TSPAN9: variants seen among roughly 807,000 people sequenced by gnomAD.
TSPAN9 encodes tetraspanin 9, also known as tetraspanin-9.
Under a neutral mutation model 31.0 loss-of-function variants are expected in TSPAN9, and 16 were observed. The observed-to-expected ratio is 0.52, with a 90% CI of 0.35 to 0.78. The LOEUF is 0.78. Among genes scored for constraint, TSPAN9 ranks in the 30% least tolerant of loss-of-function variants. The pLI, the probability that TSPAN9 is intolerant of heterozygous loss-of-function variation, is 0.01. For synonymous variants in TSPAN9, 145 were observed against 121.6 expected (o/e 1.19, Z -1.27); for missense variants, 272 against 312.5 (o/e 0.87, Z 0.98).
rs1177487549 is a variant in TSPAN9, at chr12:3,281,128, G to A, written c.433-70G>A. On this transcript the variant is annotated intron_variant, in intron 6 of 8. Coordinates refer to ENST00000011898, the MANE Select transcript of TSPAN9 (RefSeq NM_006675.5). Reference sequence around the variant, plus strand: ...GCGGGGACTGGGGTTGGCCTGGGCAGGGGAAGGCCCTGGGGAGGAAGGGGC... The same window carrying A: ...GCGGGGACTGGGGTTGGCCTGGGCAAGGGAAGGCCCTGGGGAGGAAGGGGC... 13 of 1,543,034 alleles carry A rather than the reference G, an allele frequency of 8.4e-6. No individual in the cohort carries two copies. The Admixed American group carries it at 2.2e-4, about 26-fold the overall frequency.
At chr12:3,094,485 T>C (rs1204953467) in intron 2 of TSPAN9, among the ~76,000 whole-genome samples, 1 of 152,008 alleles carries the variant, frequency 6.6e-6, no homozygotes, top group African/African-American at 2.4e-5. Flanking sequence ...TAAGGGAATA[T>C]CTGTTTTTTT....
At chr12:3,128,119 T>C (rs2098328175) in intron 2 of TSPAN9, among the ~76,000 whole-genome samples, 1 of 152,222 alleles carries the variant, frequency 6.6e-6, no homozygotes, top group Non-Finnish European at 1.5e-5. Flanking sequence ...AGCATTGTTA[T>C]GTGGTGCATG....
At chr12:3,094,456 G>A (rs932852919) in intron 2 of TSPAN9, among the ~76,000 whole-genome samples, 1 of 152,034 alleles carries the variant, frequency 6.6e-6, no homozygotes, top group African/African-American at 2.4e-5. Context: ...GGATGATGGC[G>A]TGGCTTTAAA....
chr12:3,256,755 A>G (rs74677345), intron 3 of TSPAN9, among the ~76,000 whole-genome samples: 6,548 of 152,206 alleles, frequency 0.043, 489 homozygotes, highest in African/African-American at 0.15. Flanking sequence ...CGCATTGCCT[A>G]CAAGACAGCA....
intron 2 of TSPAN9, among the ~76,000 whole-genome samples, chr12:3,154,664 T>C (rs765070711): frequency 1.4e-4 from 22 of 152,240 alleles, no homozygotes; most frequent in Admixed American, 5.2e-4. Context: ...TAGAACATGA[T>C]GCACATGTTC....
chr12:3,231,001 G>A (rs1044694970), intron 3 of TSPAN9, among the ~76,000 whole-genome samples: 3 of 152,168 alleles, frequency 2.0e-5, no homozygotes, highest in Admixed American at 1.3e-4. Context: ...AGGGCCCAGC[G>A]TGACCTACAT....
At position 3,105,788 on chromosome 12, in the gene TSPAN9, ACACT is replaced by A. The variant is rs751298231; in HGVS notation, c.-18+22073_-18+22076del. Among the ~76,000 whole-genome samples, 533 of 109,234 alleles carry A rather than the reference ACACT, an allele frequency of 4.9e-3. 2 individuals carry two copies. The highest frequency in any genetic ancestry group is 0.014 in the African/African-American group (458 of 32,758). 71.7% of individuals were successfully genotyped at this position (109,234 alleles called of 152,430 possible). A position where few individuals can be genotyped will look rare whatever the true frequency, so the allele number is the denominator to read the frequency against. On this transcript the variant is annotated intron_variant, in intron 2 of 8. Coordinates refer to ENST00000011898, the MANE Select transcript of TSPAN9 (RefSeq NM_006675.5). The stretch of plus-strand genomic sequence containing the variant: ...CACGCGCACGCACACACGCTCATAC[ACACT>A]CACGCACACATGCGCACACACGCAC...
chr12:3,252,499 C>T (rs547730738), intron 3 of TSPAN9, among the ~76,000 whole-genome samples: 7 of 152,338 alleles, frequency 4.6e-5, no homozygotes, highest in East Asian at 1.9e-4. Flanking sequence ...CTTATATAGC[C>T]GTCCCTGCAC....
chr12:3,186,428 C>T (rs1001550573), intron 2 of TSPAN9, among the ~76,000 whole-genome samples: 1 of 151,944 alleles, frequency 6.6e-6, no homozygotes, highest in Admixed American at 6.6e-5. Context: ...AGTGGCAGTG[C>T]TGAGATCTAG....
At chr12:3,155,561 T>C (rs1293478364) in intron 2 of TSPAN9, among the ~76,000 whole-genome samples, 1 of 151,702 alleles carries the variant, frequency 6.6e-6, no homozygotes, top group African/African-American at 2.4e-5. Flanking sequence ...ATTATGCCAC[T>C]GTGGCCCTGA....
chr12:3,209,958 CAAAAAAAAAAAAA>C (rs57719008), intron 3 of TSPAN9, among the ~76,000 whole-genome samples: 5 of 49,764 alleles, frequency 1.0e-4, no homozygotes, highest in Non-Finnish European at 1.2e-4. Flanking sequence ...GACTCTGTCC[CAAAAAAAAAAAAA>C]AAAAAAAAAA....
rs367582097 is a variant in TSPAN9, at chr12:3,262,038, C to G, written c.64-16383C>G. Among the ~76,000 whole-genome samples, 6 of 152,376 alleles carry G rather than the reference C, an allele frequency of 3.9e-5. No homozygotes were observed. The East Asian group carries it at 9.6e-4, about 24-fold the overall frequency. ...GAGTTTCCTGAACTGAAGCCAGACT[C>G]TAGCTCCCTTGAGCAGCTGGTGCCA... On this transcript the variant is annotated intron_variant, in intron 3 of 8. Coordinates refer to ENST00000011898, the MANE Select transcript of TSPAN9 (RefSeq NM_006675.5).
chr12:3,129,030 C>T (rs1465550573), intron 2 of TSPAN9, among the ~76,000 whole-genome samples: 5 of 152,162 alleles, frequency 3.3e-5, no homozygotes, highest in South Asian at 2.1e-4. Flanking sequence ...TTGAACCTTT[C>T]GTGACTGGCT....
At chr12:3,198,174 GCTCACCACCA>G (rs1313569879) in intron 2 of TSPAN9, among the ~76,000 whole-genome samples, 22 of 66,914 alleles carry the variant, frequency 3.3e-4, no homozygotes, top group South Asian at 5.6e-4. Flanking sequence ...CACCAGCACA[GCTCACCACCA>G]GCACAGGCCA....
At chr12:3,260,107 G>C (rs1479883419) in intron 3 of TSPAN9, among the ~76,000 whole-genome samples, 1 of 152,246 alleles carries the variant, frequency 6.6e-6, no homozygotes, top group Non-Finnish European at 1.5e-5. Flanking sequence ...GGGGCACGTG[G>C]GTGCAGGAGG....
intron 8 of TSPAN9, 37 bp from the exon 9 acceptor site, chr12:3,283,008 G>GCAGCTCCTGCCTCAGGCCCCTC (rs1862927064): frequency 1.2e-6 from 2 of 1,601,990 alleles, no homozygotes; most frequent in Non-Finnish European, 8.5e-7. Flanking sequence ...CCAGGCTGCT[G>GCAGCTCCTGCCTCAGGCCCCTC]CAGCTCCTGC....
chr12:3,246,644 A>G (rs950804643), intron 3 of TSPAN9, among the ~76,000 whole-genome samples: 1 of 152,206 alleles, frequency 6.6e-6, no homozygotes, highest in Non-Finnish European at 1.5e-5. Flanking sequence ...CAGTGTGCCT[A>G]CATCCCTCCT....
At chr12:3,174,009 T>A (rs2098353585) in intron 2 of TSPAN9, 1 of 152,336 alleles carries the variant, frequency 6.6e-6, no homozygotes, top group Admixed American at 6.5e-5. Context: ...TTGTATTTGT[T>A]GTGTTCTGAC....
intron 2 of TSPAN9, among the ~76,000 whole-genome samples, chr12:3,086,600 C>T (rs918412025): frequency 6.8e-6 from 1 of 147,962 alleles, no homozygotes; most frequent in Admixed American, 6.6e-5. Context: ...TCAGTAAGTG[C>T]CCCCTGAAAT....
Sources: allele counts gnomAD v4.1 joint callset (sites outside exome capture counted in the v4.1 genomes callset), GRCh38; gene constraint gnomAD v4.1.1; transcripts MANE v1.5; gene names NCBI Gene and HGNC (gene_info 2026-07-23, HGNC 2026-07-21).